IREB2: variants seen among roughly 807,000 people sequenced by gnomAD.
IREB2 encodes iron-responsive element-binding protein 2.
IREB2 carries 39 observed loss-of-function variants against 118.8 expected under a neutral mutation model. The observed-to-expected ratio is 0.33, with a 90% confidence interval of 0.25 to 0.43. The LOEUF (loss-of-function observed/expected upper bound fraction) is 0.43. IREB2 is among the 20% of genes least tolerant of loss of function. The pLI, the probability that IREB2 is intolerant of heterozygous loss-of-function variation, is 1.00. For synonymous variants in IREB2, 372 were observed against 392.2 expected (o/e 0.95, Z 0.61); for missense variants, 900 against 1,147.3 (o/e 0.78, Z 3.11).
chr15:78,476,445 TTATTTAC>T (rs1202802034), intron 9 of IREB2, 86 bp downstream of exon 9: 32 of 920,390 alleles, frequency 3.5e-5, no homozygotes, highest in Non-Finnish European at 4.6e-5. Flanking sequence ...CTTATCCATG[TTATTTAC>T]TATTCACAAA....
At chr15:78,439,422 G>A (rs2050809895) in intron 1 of IREB2, among the ~76,000 whole-genome samples, 1 of 151,678 alleles carries the variant, frequency 6.6e-6, no homozygotes, top group Admixed American at 6.6e-5. Context: ...ACGTCCCCGT[G>A]GATTATTTAA....
chr15:78,464,386 C>T (rs2141477505), intron 3 of IREB2, among the ~76,000 whole-genome samples: 1 of 152,314 alleles, frequency 6.6e-6, no homozygotes, highest in East Asian at 1.9e-4. Context: ...GGAACATCCT[C>T]TTCACCCACC....
chr15:78,462,207 A>C (rs1301554239), intron 2 of IREB2, among the ~76,000 whole-genome samples: 1 of 151,996 alleles, frequency 6.6e-6, no homozygotes, highest in East Asian at 1.9e-4. Flanking sequence ...TCAGCATGTA[A>C]CTCTTCACTC....
At chr15:78,447,655 A>T (rs1160923369) in intron 2 of IREB2, among the ~76,000 whole-genome samples, 1 of 151,490 alleles carries the variant, frequency 6.6e-6, no homozygotes, top group African/African-American at 2.4e-5. Context: ...TCTTTTATAG[A>T]GACGGGAGTC....
intron 5 of IREB2, among the ~76,000 whole-genome samples, chr15:78,469,170 ATTGAC>A (rs2051333419): frequency 6.6e-6 from 1 of 152,188 alleles, no homozygotes; most frequent in Non-Finnish European, 1.5e-5. Context: ...AGTATTAATT[ATTGAC>A]TTAAGAAGTT....
chr15:78,494,067 A>T lies in IREB2; in HGVS notation c.2472+11A>T. 1.2e-6 allele frequency: 2 copies of T among 1,613,832 alleles called. No individual in the cohort carries two copies. Among genetic ancestry groups the T allele is most frequent in the Non-Finnish European group, 1.7e-6 (2 of 1,179,876 alleles). On this transcript the variant is annotated intron_variant, in intron 19 of 21. Coordinates refer to ENST00000258886, the MANE Select transcript of IREB2 (RefSeq NM_004136.4). Reference sequence around the variant, plus strand: ...CCATCAGGACAGACGGTGAGAATGCAAACAAAGTATTTAGACAATTTATAA... The same window carrying T: ...CCATCAGGACAGACGGTGAGAATGCTAACAAAGTATTTAGACAATTTATAA...
intron 1 of IREB2, chr15:78,438,558 C>T: frequency 1.7e-6 from 1 of 602,270 alleles, no homozygotes; most frequent in Non-Finnish European, 3.0e-6. Context: ...CCCCACCCTC[C>T]TGCGCGACAC....
At chr15:78,489,944 T>C (rs564956499) in intron 16 of IREB2, among the ~76,000 whole-genome samples, 9 of 152,282 alleles carry the variant, frequency 5.9e-5, no homozygotes, top group Non-Finnish European at 1.2e-4. Context: ...TTAATCTCTC[T>C]GTAGCAACAT....
intron 2 of IREB2, among the ~76,000 whole-genome samples, chr15:78,443,734 T>C (rs1159494909): frequency 6.6e-6 from 1 of 151,848 alleles, no homozygotes; most frequent in East Asian, 1.9e-4. Flanking sequence ...GCCACCTCCA[T>C]CTCCAGGGTT....
At chr15:78,455,742 A>G (rs1482825480) in intron 2 of IREB2, among the ~76,000 whole-genome samples, 3 of 152,252 alleles carry the variant, frequency 2.0e-5, no homozygotes, top group South Asian at 4.1e-4. Flanking sequence ...TTAGTCCTAA[A>G]TAAACAACTG....
chr15:78,439,978 C>A, intron 2 of IREB2, 97 bp downstream of exon 2: 1 of 745,252 alleles, frequency 1.3e-6, no homozygotes, highest in South Asian at 1.6e-5. Context: ...GTATTTCCAC[C>A]GTATTGTAAC....
rs917360423 is a variant in IREB2 at position 78,474,944 on chromosome 15, T to A, written c.1024-1244T>A. On this transcript the variant is annotated intron_variant, in intron 8 of 21. Transcript: ENST00000258886. ...GTGGCGGGCGCCTGTAGTCCCAGCT[T>A]CTCGGGAGGCTGAGGCAGGAGAATG... The A allele has an allele frequency of 1.3e-5, 2 of 151,128 alleles. No homozygotes were observed. The highest frequency in any genetic ancestry group is 2.9e-5 in the Non-Finnish European group (2 of 67,814). 9.4% of individuals were successfully genotyped at this position (151,128 alleles called of 1,614,324 possible). A position where few individuals can be genotyped will look rare whatever the true frequency, so the allele number is the denominator to read the frequency against.
In IREB2 at chr15:78,490,447, T is replaced by C; in HGVS notation, c.2102T>C (p.Leu701Ser). The C allele has an allele frequency of 6.2e-7, 1 of 1,605,502 alleles. No individual in the cohort carries two copies. Among genetic ancestry groups the C allele is most frequent in the Non-Finnish European group, 8.5e-7 (1 of 1,177,644 alleles). Residue 701 changes from leucine (L) to serine (S), a missense_variant, in exon 17 of 22, where the codon TTA becomes TCA. By Grantham distance (145) the Leu-to-Ser change is moderately radical (BLOSUM62 -2). Coordinates refer to ENST00000258886, the MANE Select transcript of IREB2 (RefSeq NM_004136.4). The stretch of plus-strand genomic sequence containing the variant: ...ATGGGGAATAAACGGTGGAATTCCT[T>C]AGAAGCACCGGATTCAGTTTTGTTT... ...IEMGNKRWNS[L>S]EAPDSVLFPW... is the part of the protein sequence containing the mutation.
chr15:78,445,172 G>C, intron 2 of IREB2, among the ~76,000 whole-genome samples: 1 of 145,060 alleles, frequency 6.9e-6, no homozygotes, highest in East Asian at 2.0e-4. Context: ...GAGTCTTGCT[G>C]TGTTGCCCAG....
intron 2 of IREB2, among the ~76,000 whole-genome samples, chr15:78,461,307 A>G (rs2051192760): frequency 1.3e-5 from 2 of 152,220 alleles, no homozygotes; most frequent in Admixed American, 1.3e-4. Context: ...AAAAATGCAC[A>G]TAGAGACCTA....
At chr15:78,456,004 A>C (rs1238347876) in intron 2 of IREB2, among the ~76,000 whole-genome samples, 1 of 152,172 alleles carries the variant, frequency 6.6e-6, no homozygotes, top group Non-Finnish European at 1.5e-5. Flanking sequence ...TAGTCTCATA[A>C]TAGGCTGCTG....
intron 2 of IREB2, among the ~76,000 whole-genome samples, chr15:78,451,116 C>G (rs1433850726): frequency 6.6e-6 from 1 of 151,842 alleles, no homozygotes; most frequent in Non-Finnish European, 1.5e-5. Flanking sequence ...AGGCGCCCAC[C>G]ACCACACCTG....
Position 78,439,842 on chromosome 15 carries a change from A to G in IREB2, c.67A>G (p.Lys23Glu), listed in dbSNP as rs140562772. The G allele has an allele frequency of 1.2e-5, 19 of 1,602,572 alleles. No individual in the cohort carries two copies. The African/African-American group carries it at 1.7e-4, about 15-fold the overall frequency. Reference protein sequence around the residue: ...LIETLNDSSHKKFFDVSKLGT... With the variant: ...LIETLNDSSHEKFFDVSKLGT... ...TGAAACATTAAATGACAGTTCACATAAGAAGTTCTTCGATGTATCTAAACT... is the reference window on the plus strand; with the variant it reads ...TGAAACATTAAATGACAGTTCACATGAGAAGTTCTTCGATGTATCTAAACT... Residue 23 changes from lysine to glutamate, a missense_variant, in exon 2 of 22, where the codon AAG (lysine) becomes GAG (glutamate). Lys to Glu is a moderately conservative substitution (Grantham distance 56). Coordinates refer to ENST00000258886, the MANE Select transcript of IREB2 (RefSeq NM_004136.4).
At chr15:78,466,234 T>A in intron 4 of IREB2, 37 bp from the exon 5 acceptor site, 1 of 1,466,082 alleles carries the variant, frequency 6.8e-7, no homozygotes, top group Non-Finnish European at 9.4e-7. Context: ...GTGTCCCTTT[T>A]AAATGGCTTT....
Sources: gnomAD v4.1 joint callset for allele counts (sites outside exome capture counted in the v4.1 genomes callset) on GRCh38, gnomAD v4.1.1 for gene constraint, MANE v1.5 for transcripts, NCBI Gene and HGNC (gene_info 2026-07-23, HGNC 2026-07-21) for gene names.